The following KHDRBS2 variants were observed in gnomAD, a reference collection of about 807,000 sequenced individuals.
The protein encoded by KHDRBS2 is KH domain-containing, RNA-binding, signal transduction-associated protein 2.
In KHDRBS2, 26 loss-of-function variants were observed where a neutral mutation model predicts 44.3. That is an observed-to-expected ratio of 0.59 (90% CI 0.43 to 0.81). KHDRBS2 has a LOEUF of 0.81. Ranked by LOEUF, KHDRBS2 falls within the 40% of genes least tolerant of loss-of-function variation. The pLI, the probability that KHDRBS2 is intolerant of heterozygous loss-of-function variation, is 0.00. For synonymous variants in KHDRBS2, 194 were observed against 151.1 expected, an observed-to-expected ratio of 1.28 and a Z score of -2.08; for missense variants, 476 against 433.1, an observed-to-expected ratio of 1.10 and a Z score of -0.88.
intron 2 of KHDRBS2, among the ~76,000 whole-genome samples, chr6:62,128,444 G>A (rs527707634): frequency 3.9e-5 from 6 of 152,076 alleles, no homozygotes; most frequent in Non-Finnish European, 5.9e-5. Context: ...TTAAGAATGT[G>A]TTTTAATAGA....
chr6:61,568,346 T>G, the KHDRBS2 span, among the ~76,000 whole-genome samples: 3 of 152,142 alleles, frequency 2.0e-5, no homozygotes, highest in Non-Finnish European at 4.4e-5. Context: ...TCCATATGAA[T>G]TTTAGGATGT....
the KHDRBS2 span, among the ~76,000 whole-genome samples, chr6:61,593,198 G>A: frequency 7.9e-5 from 12 of 152,218 alleles, no homozygotes; most frequent in East Asian, 5.8e-4. Flanking sequence ...GTCAATAGGC[G>A]TGAAGGCTGC....
the KHDRBS2 span, among the ~76,000 whole-genome samples, chr6:61,646,818 T>TATTA: frequency 6.6e-6 from 1 of 152,144 alleles, no homozygotes; most frequent in African/African-American, 2.4e-5. Context: ...GCTACAATTT[T>TATTA]ATTTATTTAT....
intron 3 of KHDRBS2, among the ~76,000 whole-genome samples, chr6:61,985,770 T>C (rs1583975378): frequency 1.3e-5 from 2 of 152,288 alleles, no homozygotes; most frequent in East Asian, 3.9e-4. Context: ...GTTTATGACT[T>C]AGCACGTGAC....
chr6:61,702,427 T>G (rs571038623), intron 7 of KHDRBS2, among the ~76,000 whole-genome samples: 4 of 152,086 alleles, frequency 2.6e-5, no homozygotes, highest in South Asian at 4.1e-4. Flanking sequence ...GATAAACTTT[T>G]CTCTTGTTTG....
chr6:61,950,197 C>A (rs907051529), intron 4 of KHDRBS2, among the ~76,000 whole-genome samples: 2 of 152,056 alleles, frequency 1.3e-5, no homozygotes, highest in African/African-American at 4.8e-5. Flanking sequence ...TATTTTGTTG[C>A]ATCTTAATTT....
At position 62,091,941 on chromosome 6, in the gene KHDRBS2, T is replaced by G. The variant is rs1799567313; in HGVS notation, c.220-43947A>C. Among the ~76,000 whole-genome samples the G allele has an allele frequency of 2.6e-5, 4 of 152,142 alleles. No individual in the cohort carries two copies. The South Asian group carries it at 8.3e-4, about 31-fold the overall frequency. ...CTACAATTATTATCCAGGTTTTGGATTAAAGAGACTTCAGTAAATCAAGGA... is the reference window on the plus strand; with the variant it reads ...CTACAATTATTATCCAGGTTTTGGAGTAAAGAGACTTCAGTAAATCAAGGA... On this transcript the variant is annotated intron_variant, in intron 2 of 8. Coordinates refer to ENST00000281156, the MANE Select transcript of KHDRBS2 (RefSeq NM_152688.4).
At chr6:61,921,564 C>A (rs867078773) in intron 4 of KHDRBS2, among the ~76,000 whole-genome samples, 56 of 151,986 alleles carry the variant, frequency 3.7e-4, no homozygotes, top group African/African-American at 1.3e-3. Context: ...AATATAAATT[C>A]TTTTAGAAGT....
the KHDRBS2 span, among the ~76,000 whole-genome samples, chr6:61,627,263 A>G: frequency 1.4e-5 from 2 of 147,258 alleles, no homozygotes; most frequent in Non-Finnish European, 3.0e-5. Flanking sequence ...AAAAAAAAAA[A>G]AAAAAAAAAA....
intron 2 of KHDRBS2, among the ~76,000 whole-genome samples, chr6:62,158,917 C>T (rs1328361415): frequency 6.6e-6 from 1 of 151,960 alleles, no homozygotes; most frequent in Non-Finnish European, 1.5e-5. Context: ...CTCAATCCAG[C>T]CTACTGTGAG....
intron 2 of KHDRBS2, among the ~76,000 whole-genome samples, chr6:62,105,534 A>T (rs1235121308): frequency 1.3e-5 from 2 of 151,920 alleles, no homozygotes; most frequent in Non-Finnish European, 2.9e-5. Context: ...GAATTTATCC[A>T]TTTCTTCTAG....
intron 2 of KHDRBS2, among the ~76,000 whole-genome samples, chr6:62,065,189 T>G (rs1369610321): frequency 6.6e-6 from 1 of 152,074 alleles, no homozygotes; most frequent in African/African-American, 2.4e-5. Flanking sequence ...TTGGTGGGAC[T>G]GTAAACTAGT....
intron 4 of KHDRBS2, among the ~76,000 whole-genome samples, chr6:61,951,196 C>A (rs974779655): frequency 6.6e-6 from 1 of 151,958 alleles, no homozygotes; most frequent in African/African-American, 2.4e-5. Flanking sequence ...GCAGATTTGT[C>A]ACACCAAGAC....
intron 2 of KHDRBS2, among the ~76,000 whole-genome samples, chr6:62,076,910 T>C (rs1796450778): frequency 6.6e-6 from 1 of 151,888 alleles, no homozygotes; most frequent in African/African-American, 2.4e-5. Flanking sequence ...CCAGGTGTGG[T>C]GGTGGTACAC....
chr6:62,064,968 G>A (rs1202868967), intron 2 of KHDRBS2, among the ~76,000 whole-genome samples: 9 of 151,824 alleles, frequency 5.9e-5, no homozygotes, highest in Non-Finnish European at 1.2e-4. Flanking sequence ...AAAAGTGGGT[G>A]AAGGACATGA....
chr6:61,996,174 T>A (rs1777134891), intron 3 of KHDRBS2, among the ~76,000 whole-genome samples: 1 of 152,208 alleles, frequency 6.6e-6, no homozygotes, highest in East Asian at 1.9e-4. Context: ...AATGTTTTAA[T>A]ACTTTATAAA....
At chr6:61,874,424 ATGT>A (rs1487148474) in intron 6 of KHDRBS2, among the ~76,000 whole-genome samples, 2 of 152,190 alleles carry the variant, frequency 1.3e-5, no homozygotes, top group Non-Finnish European at 2.9e-5. Flanking sequence ...TCAGGAATTA[ATGT>A]TGTTTAGCCC....
chr6:61,723,395 T>C (rs577354896), intron 7 of KHDRBS2, among the ~76,000 whole-genome samples: 1 of 152,164 alleles, frequency 6.6e-6, no homozygotes, highest in Admixed American at 6.5e-5. Flanking sequence ...ATGGCTGAAT[T>C]GACAGAAGTA....
At chr6:62,056,242 T>C (rs1218770249) in intron 2 of KHDRBS2, among the ~76,000 whole-genome samples, 3 of 151,982 alleles carry the variant, frequency 2.0e-5, no homozygotes, top group Non-Finnish European at 4.4e-5. Context: ...TCAGTAAAGA[T>C]GAATTACTCA....
Sources: allele counts gnomAD v4.1 joint callset (sites outside exome capture counted in the v4.1 genomes callset), GRCh38; gene constraint gnomAD v4.1.1; transcripts MANE v1.5; gene names NCBI Gene and HGNC (gene_info 2026-07-23, HGNC 2026-07-21).